TNC: variants seen among roughly 807,000 people sequenced by gnomAD.
TNC encodes tenascin C, also known as tenascin.
A neutral mutation model predicts 202.4 loss-of-function variants in TNC; 109 were observed. The ratio of observed to expected loss-of-function variants is 0.54; its 90% CI spans 0.46 to 0.63. TNC has a LOEUF of 0.63. Ranked by LOEUF, TNC falls within the 30% of genes least tolerant of loss-of-function variation. The pLI is 0.00. For missense variants in TNC, 2,756 were observed against 2,833.3 expected (o/e 0.97, Z 0.62); for synonymous variants, 1,007 against 1,089.7 (o/e 0.92, Z 1.50).
At chr9:115,032,227 T>C (rs1333325222) in intron 22 of TNC, among the ~76,000 whole-genome samples, 3 of 152,170 alleles carry the variant, frequency 2.0e-5, no homozygotes, top group Non-Finnish European at 4.4e-5. Context: ...ACCTCAACCA[T>C]ACTTAGCTTC....
intron 10 of TNC, among the ~76,000 whole-genome samples, chr9:115,067,072 C>G (rs2132751564): frequency 6.6e-6 from 1 of 152,328 alleles, no homozygotes; most frequent in South Asian, 2.1e-4. Context: ...GGGAGGACCC[C>G]AAACTGCAAG....
chr9:115,089,095 T>C (rs1835015619), intron 2 of TNC, among the ~76,000 whole-genome samples: 1 of 152,218 alleles, frequency 6.6e-6, no homozygotes, highest in South Asian at 2.1e-4. Flanking sequence ...TCCTACTGTG[T>C]ATTCTCATCT....
At chr9:115,027,040 C>A (rs1426058587) in intron 25 of TNC, among the ~76,000 whole-genome samples, 1 of 150,754 alleles carries the variant, frequency 6.6e-6, no homozygotes, top group Non-Finnish European at 1.5e-5. Flanking sequence ...ACCCGAGAGG[C>A]AGAAGTTGCA....
chr9:115,084,140 C>A (rs144478888), intron 4 of TNC, 69 bp downstream of exon 4: 5 of 1,529,540 alleles, frequency 3.3e-6, no homozygotes, highest in South Asian at 1.2e-5. Flanking sequence ...GGGGCCGTGG[C>A]GAGGGAGGGT....
At chr9:115,107,869 G>A (rs1836735859) in intron 1 of TNC, among the ~76,000 whole-genome samples, 1 of 152,166 alleles carries the variant, frequency 6.6e-6, no homozygotes, top group African/African-American at 2.4e-5. Context: ...GCACATGTAA[G>A]CACCAAAATA....
intron 15 of TNC, among the ~76,000 whole-genome samples, 153 bp from the exon 16 acceptor site, chr9:115,048,685 G>A (rs1831403543): frequency 6.6e-6 from 1 of 152,196 alleles, no homozygotes; most frequent in Admixed American, 6.5e-5. Context: ...AACTTATTGG[G>A]TGCCAGATAG....
chr9:115,046,271 AAC>A, intron 17 of TNC, 137 bp downstream of exon 17: 2 of 1,015,350 alleles, frequency 2.0e-6, no homozygotes, highest in South Asian at 1.6e-5. Flanking sequence ...TGTCCAAGGT[AAC>A]ACAGTCTGTA....
At chr9:115,053,573 A>G (rs1204740093) in intron 15 of TNC, among the ~76,000 whole-genome samples, 4 of 152,228 alleles carry the variant, frequency 2.6e-5, no homozygotes, top group Non-Finnish European at 2.9e-5. Context: ...ATCAATGTAT[A>G]CCCTATCTGA....
intron 20 of TNC, among the ~76,000 whole-genome samples, chr9:115,037,562 C>G (rs956873388): frequency 6.6e-6 from 1 of 152,182 alleles, no homozygotes; most frequent in African/African-American, 2.4e-5. Context: ...GAGCCTCCCT[C>G]TCTCACCCAG....
chr9:115,021,091 A>G lies in TNC; in HGVS notation c.*66T>C. 1 of 1,352,008 alleles carries G rather than the reference A, an allele frequency of 7.4e-7. No individual in the cohort carries two copies. The highest frequency in any genetic ancestry group is 1.1e-6 in the Non-Finnish European group (1 of 950,350). The allele number at this position is 1,352,008 out of a possible 1,614,324, so 83.8% of individuals were successfully genotyped here. A position where few individuals can be genotyped will look rare whatever the true frequency, so the allele number is the denominator to read the frequency against. ...ACCGATGGTTGGGCTGGTTGTATTG[A>G]TGCTTTGGTAAAATCCTTTCCTCGC... is the stretch of plus-strand genomic sequence containing the variant. On this transcript the variant is annotated 3_prime_UTR_variant, in exon 28 of 28. Transcript: ENST00000350763.
At chr9:115,053,207 G>C (rs1027810708) in intron 15 of TNC, among the ~76,000 whole-genome samples, 2 of 152,304 alleles carry the variant, frequency 1.3e-5, no homozygotes, top group African/African-American at 4.8e-5. Context: ...CTCTGCAGGT[G>C]TATATTTGTG....
chr9:115,070,453 T>A (rs2132931812), intron 10 of TNC, among the ~76,000 whole-genome samples: 1 of 152,314 alleles, frequency 6.6e-6, no homozygotes, highest in African/African-American at 2.4e-5. Flanking sequence ...GTGGCAGGAC[T>A]GAGGTCAGAG....
intron 14 of TNC, 43 bp downstream of exon 14, chr9:115,059,687 C>T (rs778823826): frequency 1.3e-6 from 2 of 1,528,442 alleles, no homozygotes; most frequent in East Asian, 4.5e-5. Context: ...GAAAAGGAAG[C>T]AAAGAACCTT....
intron 1 of TNC, among the ~76,000 whole-genome samples, chr9:115,096,830 T>C (rs1835833079): frequency 6.6e-6 from 1 of 152,222 alleles, no homozygotes; most frequent in Non-Finnish European, 1.5e-5. Context: ...AGCCTTGTCC[T>C]TGGGTTAAGA....
chr9:115,091,388 G>A (rs748366750), intron 1 of TNC, among the ~76,000 whole-genome samples: 3 of 152,132 alleles, frequency 2.0e-5, no homozygotes, highest in Non-Finnish European at 4.4e-5. Context: ...GAAAAATAGA[G>A]AGAAAAAGGT....
intron 1 of TNC, among the ~76,000 whole-genome samples, chr9:115,108,848 G>A (rs1001359142): frequency 3.3e-5 from 5 of 152,186 alleles, no homozygotes; most frequent in Non-Finnish European, 7.4e-5. Context: ...GACATATAAG[G>A]TGCCATCTTG....
intron 17 of TNC, among the ~76,000 whole-genome samples, chr9:115,046,109 A>C (rs1831174876): frequency 6.6e-6 from 1 of 152,212 alleles, no homozygotes; most frequent in Non-Finnish European, 1.5e-5. Context: ...ATGATGATGC[A>C]TTAATGGCAA....
At chr9:115,088,024 T>C (rs530318779) in intron 2 of TNC, among the ~76,000 whole-genome samples, 1 of 152,348 alleles carries the variant, frequency 6.6e-6, no homozygotes, top group East Asian at 1.9e-4. Context: ...ATTTCTTTAG[T>C]GCCTCATCAA....
intron 1 of TNC, among the ~76,000 whole-genome samples, chr9:115,107,926 T>A (rs1357635865): frequency 1.3e-5 from 2 of 152,204 alleles, no homozygotes; most frequent in Non-Finnish European, 2.9e-5. Flanking sequence ...ATCTCAAGTT[T>A]TATGTACTTC....
Sources: allele counts gnomAD v4.1 joint callset (sites outside exome capture counted in the v4.1 genomes callset), GRCh38; gene constraint gnomAD v4.1.1; transcripts MANE v1.5; gene names NCBI Gene and HGNC (gene_info 2026-07-23, HGNC 2026-07-21).